The following CDC42SE2 variants were observed in gnomAD, a reference collection of about 807,000 sequenced individuals.
The protein encoded by CDC42SE2 is CDC42 small effector 2.
CDC42SE2 carries 3 observed loss-of-function variants against 11.5 expected under a neutral mutation model. That is an observed-to-expected ratio of 0.26 (90% CI 0.12 to 0.67). CDC42SE2 has a LOEUF of 0.67. Ranked by LOEUF, CDC42SE2 falls within the 30% of genes least tolerant of loss-of-function variation. The pLI is 0.80. For missense variants in CDC42SE2, 82 were observed against 106.8 expected (o/e 0.77, Z 1.02); for synonymous variants, 33 against 34.8 (o/e 0.95, Z 0.18).
chr5:131,352,754 A>G (rs926269452), intron 2 of CDC42SE2, among the ~76,000 whole-genome samples: 3 of 152,236 alleles, frequency 2.0e-5, no homozygotes, highest in African/African-American at 4.8e-5. Context: ...TGCTACAGCT[A>G]TGAATAAGGT....
chr5:131,264,040 G>T (rs1011735540), upstream of CDC42SE2: 1 of 151,922 alleles, frequency 6.6e-6, no homozygotes, highest in African/African-American at 2.4e-5. Flanking sequence ...AGCCTGGGCG[G>T]GGAGGGGGAG....
chr5:131,386,292 G>GCCA (rs1179719600), intron 4 of CDC42SE2, among the ~76,000 whole-genome samples: 1 of 152,224 alleles, frequency 6.6e-6, no homozygotes, highest in Non-Finnish European at 1.5e-5. Flanking sequence ...CAGAGCTCAG[G>GCCA]CGGTGATGCT....
At chr5:131,268,136 C>G (rs976937200) in intron 1 of CDC42SE2, among the ~76,000 whole-genome samples, 2 of 139,410 alleles carry the variant, frequency 1.4e-5, no homozygotes, top group Non-Finnish European at 3.0e-5. Flanking sequence ...AATCTCGGCT[C>G]ACTGCAACCT....
chr5:131,303,611 A>G (rs1757726072), intron 1 of CDC42SE2, among the ~76,000 whole-genome samples: 1 of 152,334 alleles, frequency 6.6e-6, no homozygotes, highest in African/African-American at 2.4e-5. Flanking sequence ...TAAATCATCT[A>G]TCAGTAGGAC....
At chr5:131,354,265 A>G (rs1749465986) in intron 2 of CDC42SE2, among the ~76,000 whole-genome samples, 1 of 152,144 alleles carries the variant, frequency 6.6e-6, no homozygotes, top group Non-Finnish European at 1.5e-5. Context: ...ATAAAATTGC[A>G]TAGTGGATAC....
chr5:131,348,107 A>C (rs185478789), intron 2 of CDC42SE2, among the ~76,000 whole-genome samples: 4 of 152,162 alleles, frequency 2.6e-5, no homozygotes, highest in East Asian at 1.9e-4. Context: ...TCCTCTCTCA[A>C]CACTCCTATT....
At chr5:131,244,800 T>G (rs2149681564), upstream of CDC42SE2, among the ~76,000 whole-genome samples, 1 of 152,130 alleles carries the variant, frequency 6.6e-6, no homozygotes, top group South Asian at 2.1e-4. Flanking sequence ...CCTCAAAAAT[T>G]AAAAATATGC....
intron 2 of CDC42SE2, among the ~76,000 whole-genome samples, chr5:131,325,179 C>T (rs1758270557): frequency 6.6e-6 from 1 of 152,018 alleles, no homozygotes. Flanking sequence ...TTCTTTTGGA[C>T]TAGTCAGGAT....
intron 1 of CDC42SE2, among the ~76,000 whole-genome samples, chr5:131,267,504 T>A (rs1224355698): frequency 6.6e-6 from 1 of 152,224 alleles, no homozygotes; most frequent in Admixed American, 6.5e-5. Context: ...TGGTGTTTTC[T>A]TCATCAGGGT....
At chr5:131,239,543 TG>T in the CDC42SE2 span, among the ~76,000 whole-genome samples, 8 of 152,254 alleles carry the variant, frequency 5.3e-5, no homozygotes, top group Non-Finnish European at 7.3e-5. Context: ...TATGTTTTGT[TG>T]TTTTTTTATT....
intron 1 of CDC42SE2, among the ~76,000 whole-genome samples, chr5:131,308,892 C>G (rs546897558): frequency 1.4e-4 from 22 of 152,158 alleles, no homozygotes; most frequent in East Asian, 3.9e-4. Flanking sequence ...CATCTGCAAA[C>G]AGGGACAATT....
intron 1 of CDC42SE2, among the ~76,000 whole-genome samples, chr5:131,304,584 A>C (rs555106169): frequency 6.6e-6 from 1 of 152,210 alleles, no homozygotes. Context: ...ATTTCTACCA[A>C]ATTTAATGGA....
intron 2 of CDC42SE2, among the ~76,000 whole-genome samples, chr5:131,356,700 G>T (rs1749559660): frequency 6.6e-6 from 1 of 152,164 alleles, no homozygotes; most frequent in Non-Finnish European, 1.5e-5. Context: ...TGTGAGCTCA[G>T]CAGTTTGAGC....
chr5:131,283,129 G>A (rs71591959), intron 1 of CDC42SE2, among the ~76,000 whole-genome samples: 1 of 151,470 alleles, frequency 6.6e-6, no homozygotes, highest in Non-Finnish European at 1.5e-5. Flanking sequence ...GTTTCTCCAT[G>A]TTGTTCAGGC....
intron 1 of CDC42SE2, among the ~76,000 whole-genome samples, chr5:131,298,346 A>T (rs925137202): frequency 1.3e-5 from 2 of 151,578 alleles, no homozygotes; most frequent in Admixed American, 1.3e-4. Flanking sequence ...AACTCAGGTG[A>T]TCCGATCTCA....
At chr5:131,316,276 T>C (rs6596013) in intron 2 of CDC42SE2, 132 bp downstream of exon 2, 18,661 of 152,404 alleles carry the variant, frequency 0.12, 2,646 homozygotes, top group African/African-American at 0.35. Context: ...CAGTGCAGTT[T>C]AAGGGAATTC....
intron 2 of CDC42SE2, among the ~76,000 whole-genome samples, chr5:131,352,367 A>C (rs1749367662): frequency 6.6e-6 from 1 of 152,230 alleles, no homozygotes; most frequent in Non-Finnish European, 1.5e-5. Flanking sequence ...GCAATAAAAA[A>C]TAATTTACTA....
At chr5:131,347,332 A>G (rs1343264054) in intron 2 of CDC42SE2, among the ~76,000 whole-genome samples, 1 of 152,236 alleles carries the variant, frequency 6.6e-6, no homozygotes, top group African/African-American at 2.4e-5. Flanking sequence ...CACCCATCCC[A>G]CAGAAATACA....
intron 2 of CDC42SE2, among the ~76,000 whole-genome samples, chr5:131,320,264 T>C (rs1400016689): frequency 6.6e-6 from 1 of 150,916 alleles, no homozygotes; most frequent in African/African-American, 2.4e-5. Context: ...TGGTGGTGCA[T>C]GCCTGTAATC....
Sources: allele counts gnomAD v4.1 joint callset (sites outside exome capture counted in the v4.1 genomes callset), GRCh38; gene constraint gnomAD v4.1.1; transcripts MANE v1.5; gene names NCBI Gene and HGNC (gene_info 2026-07-23, HGNC 2026-07-21).